TEX11: variants seen among roughly 807,000 people sequenced by gnomAD.
TEX11 encodes the protein testis expressed 11.
A neutral mutation model predicts 84.4 loss-of-function variants in TEX11; 7 were observed. The ratio of observed to expected loss-of-function variants is 0.08; its 90% confidence interval spans 0.05 to 0.16. The LOEUF is 0.16. Ranked by LOEUF, TEX11 falls within the 10% of genes least tolerant of loss-of-function variation. The pLI is 1.00. For synonymous variants in TEX11, 264 were observed against 222.8 expected (o/e 1.18, Z -1.64); for missense variants, 551 against 660.5 (o/e 0.83, Z 1.82).
intron 11 of TEX11, among the ~76,000 whole-genome samples, chrX:70,737,652 T>G (rs1227828568): frequency 9.8e-6 from 1 of 102,133 alleles, no homozygotes; most frequent in African/African-American, 3.6e-5. Flanking sequence ...AACAACAGAA[T>G]GAGAATACAG....
At chrX:70,529,315 G>A (rs2087854921) in intron 29 of TEX11, 128 bp from the exon 30 acceptor site, 1 of 482,694 alleles carries the variant, frequency 2.1e-6, no homozygotes, top group East Asian at 3.7e-5. Flanking sequence ...TCAGATTTGG[G>A]GAGAAAATAC....
chrX:70,855,723 C>T (rs1199598276), intron 5 of TEX11, among the ~76,000 whole-genome samples: 1 of 111,091 alleles, frequency 9.0e-6, no homozygotes, highest in Non-Finnish European at 1.9e-5. Flanking sequence ...TTAGGGCGGG[C>T]CCTAATCTCA....
chrX:70,537,510 G>A (rs2147931616), intron 28 of TEX11, among the ~76,000 whole-genome samples: 1 of 103,023 alleles, frequency 9.7e-6, no homozygotes, highest in African/African-American at 3.6e-5. Flanking sequence ...AGAGAAGGAA[G>A]GGGAGGAAAG....
At chrX:70,583,605 C>A (rs868253825) in intron 25 of TEX11, among the ~76,000 whole-genome samples, 5 of 112,038 alleles carry the variant, frequency 4.5e-5, no homozygotes, top group African/African-American at 1.6e-4. Flanking sequence ...TATATAATTT[C>A]TTTTCCTTTG....
chrX:70,534,227 G>A (rs1486244635), intron 28 of TEX11, among the ~76,000 whole-genome samples: 2 of 110,680 alleles, frequency 1.8e-5, no homozygotes, highest in Non-Finnish European at 3.8e-5. Context: ...GATAAAAGGT[G>A]TGTAACTTGA....
chrX:70,645,070 A>C (rs1468441868), intron 17 of TEX11, among the ~76,000 whole-genome samples: 1 of 110,674 alleles, frequency 9.0e-6, no homozygotes, highest in Admixed American at 9.7e-5. Flanking sequence ...AAAGTCCTAG[A>C]CATATAAAAC....
At chrX:70,662,676 ACT>A (rs761628385) in intron 16 of TEX11, among the ~76,000 whole-genome samples, 1 of 111,972 alleles carries the variant, frequency 8.9e-6, no homozygotes, top group South Asian at 3.8e-4. Flanking sequence ...CTCGGCAGAA[ACT>A]CTACAAGCCA....
chrX:70,830,611 A>T (rs1444261038), intron 8 of TEX11, among the ~76,000 whole-genome samples: 1 of 112,328 alleles, frequency 8.9e-6, no homozygotes, highest in African/African-American at 3.2e-5. Flanking sequence ...AAACACTGCA[A>T]TAGCAAATAA....
intron 8 of TEX11, among the ~76,000 whole-genome samples, chrX:70,827,453 C>G (rs769660223): frequency 9.0e-6 from 1 of 111,664 alleles, no homozygotes; most frequent in African/African-American, 3.3e-5. Flanking sequence ...TCCCCAAATC[C>G]AGGTGTAGCC....
intron 17 of TEX11, among the ~76,000 whole-genome samples, chrX:70,647,317 A>G (rs769342963): frequency 8.9e-6 from 1 of 111,791 alleles, no homozygotes; most frequent in African/African-American, 3.2e-5. Context: ...CAAGTTCAAG[A>G]GATCTATTGT....
At chrX:70,744,460 T>C (rs1486915681) in intron 9 of TEX11, among the ~76,000 whole-genome samples, 2 of 108,383 alleles carry the variant, frequency 1.8e-5, no homozygotes, top group African/African-American at 6.6e-5. Flanking sequence ...ACACTACAAT[T>C]ATATTGATGC....
At chrX:70,826,188 G>A (rs1432782135) in intron 8 of TEX11, among the ~76,000 whole-genome samples, 2 of 109,170 alleles carry the variant, frequency 1.8e-5, no homozygotes, top group Non-Finnish European at 3.8e-5. Flanking sequence ...GCTCATGCCT[G>A]TAATCCCAGC....
chrX:70,808,897 A>G (rs1440374844), intron 8 of TEX11, among the ~76,000 whole-genome samples: 1 of 111,994 alleles, frequency 8.9e-6, no homozygotes, highest in Admixed American at 9.5e-5. Flanking sequence ...ATATGTTTAG[A>G]CATGCAAACT....
intron 13 of TEX11, among the ~76,000 whole-genome samples, chrX:70,721,913 A>G (rs2090562538): frequency 8.9e-6 from 1 of 111,924 alleles, no homozygotes; most frequent in African/African-American, 3.2e-5. Context: ...TAGTTAATAC[A>G]CTGCATGATA....
At chrX:70,520,845 G>T in the TEX11 span, among the ~76,000 whole-genome samples, 1 of 111,649 alleles carries the variant, frequency 9.0e-6, no homozygotes, top group African/African-American at 3.3e-5. Flanking sequence ...CTGCAATGGT[G>T]GATGACCCTC....
intron 17 of TEX11, among the ~76,000 whole-genome samples, chrX:70,638,673 T>C (rs1166665923): frequency 9.3e-6 from 1 of 107,976 alleles, no homozygotes; most frequent in Non-Finnish European, 1.9e-5. Flanking sequence ...TGGTGGCATG[T>C]GCCTGTAGTC....
intron 2 of TEX11, among the ~76,000 whole-genome samples, chrX:70,882,249 T>C (rs1034884746): frequency 2.7e-5 from 3 of 110,917 alleles, no homozygotes; most frequent in African/African-American, 9.8e-5. Context: ...ATACAAATAT[T>C]GTTTAAAGAA....
chrX:70,530,047 T>TGAAC, intron 28 of TEX11, 48 bp from the exon 29 acceptor site: 2 of 1,039,609 alleles, frequency 1.9e-6, no homozygotes, highest in Non-Finnish European at 2.7e-6. Context: ...TCACAGTTCA[T>TGAAC]TGTGGCACTA....
chrX:70,686,085 T>G (rs2147662991), intron 13 of TEX11, among the ~76,000 whole-genome samples: 1 of 111,885 alleles, frequency 8.9e-6, no homozygotes, highest in African/African-American at 3.2e-5. Context: ...TATACCCCAT[T>G]TGTCAATTTC....
Sources: allele counts gnomAD v4.1 joint callset (sites outside exome capture counted in the v4.1 genomes callset), GRCh38; gene constraint gnomAD v4.1.1; transcripts MANE v1.5; gene names NCBI Gene and HGNC (gene_info 2026-07-23, HGNC 2026-07-21).